SPRED2: variants seen among roughly 807,000 people sequenced by gnomAD.
SPRED2 encodes sprouty-related, EVH1 domain-containing protein 2.
In SPRED2, 47 loss-of-function variants were observed where a neutral mutation model predicts 43.0. The ratio of observed to expected loss-of-function variants is 1.09; its 90% CI spans 0.87 to 1.40. The LOEUF (loss-of-function observed/expected upper bound fraction) is 1.40, where lower values mean the gene tolerates loss of function less well. SPRED2 is among the 40% of genes most tolerant of loss of function. The pLI is 0.00. For synonymous variants in SPRED2, 225 were observed against 225.7 expected, an observed-to-expected ratio of 1.00 and a Z score of 0.03; for missense variants, 561 against 586.4, an observed-to-expected ratio of 0.96 and a Z score of 0.45.
downstream of SPRED2, among the ~76,000 whole-genome samples, chr2:65,309,403 G>C (rs1673011860): frequency 6.6e-6 from 1 of 151,090 alleles, no homozygotes; most frequent in South Asian, 2.1e-4. Context: ...CTACTCGAGG[G>C]GATAAGGTGG....
intron 1 of SPRED2, among the ~76,000 whole-genome samples, chr2:65,347,094 C>T (rs1394132047): frequency 6.6e-6 from 1 of 152,160 alleles, no homozygotes; most frequent in Non-Finnish European, 1.5e-5. Flanking sequence ...TGCTCTCCGA[C>T]CACCTCGTAA....
At chr2:65,314,225 C>CA (rs1244224080) in intron 5 of SPRED2, 56 bp from the exon 6 acceptor site, 18 of 1,485,354 alleles carry the variant, frequency 1.2e-5, no homozygotes, top group Non-Finnish European at 1.4e-5. Flanking sequence ...AACAAACAAA[C>CA]AAAAAAACAC....
chr2:65,388,812 T>G (rs1430822976), intron 1 of SPRED2, among the ~76,000 whole-genome samples: 2 of 152,162 alleles, frequency 1.3e-5, no homozygotes, highest in East Asian at 3.9e-4. Context: ...GCATGTGGTT[T>G]CATATTATAA....
rs149198878 is a variant in SPRED2, at chr2:65,389,616, C to G, written c.26+42346G>C. On this transcript the variant is annotated intron_variant, in intron 1 of 5. Coordinates refer to ENST00000356388, the MANE Select transcript of SPRED2 (RefSeq NM_181784.3). ...AAAAAGAAATGTAGATGTGGTGCTT[C>G]TACCTCATGAGTGAGGAATGCTGGT... Among the ~76,000 whole-genome samples the G allele has an allele frequency of 4.9e-3, 750 of 152,342 alleles. 6 individuals are homozygous for G. The highest frequency in any genetic ancestry group is 0.017 in the African/African-American group (699 of 41,576).
rs72824323 is a variant in SPRED2, at chr2:65,409,330, G to C, written c.26+22632C>G. The stretch of plus-strand genomic sequence containing the variant: ...ATTTTGCAGGTGTAGTACAAAAAAA[G>C]AATGTGAAATACTTCATTAGCAATT... On this transcript the variant is annotated intron_variant, in intron 1 of 5. Coordinates refer to ENST00000356388, the MANE Select transcript of SPRED2 (RefSeq NM_181784.3). 4.2e-3 allele frequency among the ~76,000 whole-genome samples: 638 copies of C among 152,256 alleles called. 4 individuals are homozygous for C. The highest frequency in any genetic ancestry group is 6.8e-3 in the Non-Finnish European group (465 of 68,016).
chr2:65,313,290 A>T lies in SPRED2; in HGVS notation c.*211T>A, dbSNP rs145329977. 9.8e-5 allele frequency: 139 copies of T among 1,417,192 alleles called. No homozygotes were observed. The highest frequency in any genetic ancestry group is 1.1e-4 in the Non-Finnish European group (125 of 1,090,726). 87.8% of individuals were successfully genotyped at this position (1,417,192 alleles called of 1,614,324 possible). A position where few individuals can be genotyped will look rare whatever the true frequency, so the allele number is the denominator to read the frequency against. ...ACACTGTGCGAGCGTGTGTGTATGGATGTGGCTGCTGCAGTGTGGGCGGCA... is the reference window on the plus strand; with the variant it reads ...ACACTGTGCGAGCGTGTGTGTATGGTTGTGGCTGCTGCAGTGTGGGCGGCA... On this transcript the variant is annotated 3_prime_UTR_variant, in exon 6 of 6. Transcript: ENST00000356388.
At chr2:65,391,018 G>A (rs975963771) in intron 1 of SPRED2, among the ~76,000 whole-genome samples, 5 of 150,838 alleles carry the variant, frequency 3.3e-5, no homozygotes, top group Non-Finnish European at 5.9e-5. Context: ...AGCCTGGGAG[G>A]CAGAGGCTGC....
intron 1 of SPRED2, among the ~76,000 whole-genome samples, chr2:65,386,477 T>C (rs929540062): frequency 2.0e-5 from 3 of 152,178 alleles, no homozygotes; most frequent in African/African-American, 7.2e-5. Flanking sequence ...ATGGCATTGG[T>C]ACCATCTGTA....
chr2:65,380,455 C>T (rs538868217), intron 1 of SPRED2, among the ~76,000 whole-genome samples: 2 of 152,196 alleles, frequency 1.3e-5, no homozygotes, highest in South Asian at 4.1e-4. Context: ...TATGGAACTG[C>T]CTTCGAGGCT....
chr2:65,318,679 T>C (rs1236297407), intron 4 of SPRED2, among the ~76,000 whole-genome samples: 1 of 152,150 alleles, frequency 6.6e-6, no homozygotes, highest in African/African-American at 2.4e-5. Flanking sequence ...AATGTATTTA[T>C]TTATGTATTT....
At chr2:65,430,804 A>G (rs1467602348) in intron 1 of SPRED2, among the ~76,000 whole-genome samples, 1 of 151,966 alleles carries the variant, frequency 6.6e-6, no homozygotes, top group Admixed American at 6.5e-5. Context: ...CTCCGGATTT[A>G]TGAATGTGCA....
intron 2 of SPRED2, among the ~76,000 whole-genome samples, chr2:65,340,298 T>C (rs902949880): frequency 5.3e-5 from 8 of 152,212 alleles, no homozygotes; most frequent in African/African-American, 1.7e-4. Flanking sequence ...TCCATAAATC[T>C]CTGTGTGTTT....
intron 5 of SPRED2, among the ~76,000 whole-genome samples, chr2:65,316,274 C>CT (rs1350470633): frequency 1.1e-4 from 16 of 152,240 alleles, no homozygotes; most frequent in East Asian, 3.8e-4. Flanking sequence ...AGGCTGGGGG[C>CT]TCGAGCCAAG....
intron 1 of SPRED2, among the ~76,000 whole-genome samples, chr2:65,356,468 A>C (rs2104300257): frequency 6.7e-6 from 1 of 149,510 alleles, no homozygotes; most frequent in African/African-American, 2.4e-5. Flanking sequence ...CAAGATGCTG[A>C]TAATGGTACT....
At chr2:65,348,651 A>G (rs1429188692) in intron 1 of SPRED2, among the ~76,000 whole-genome samples, 1 of 151,968 alleles carries the variant, frequency 6.6e-6, no homozygotes, top group African/African-American at 2.4e-5. Flanking sequence ...AAAAGTACAA[A>G]AAATTAGCTG....
chr2:65,409,811 G>A (rs927253088), intron 1 of SPRED2, among the ~76,000 whole-genome samples: 4 of 151,844 alleles, frequency 2.6e-5, no homozygotes, highest in African/African-American at 7.3e-5. Context: ...CAAGGCGGGC[G>A]GATCACGAGG....
intron 1 of SPRED2, among the ~76,000 whole-genome samples, chr2:65,410,996 C>G (rs1212977993): frequency 6.6e-6 from 1 of 152,180 alleles, no homozygotes; most frequent in African/African-American, 2.4e-5. Flanking sequence ...GTTCGAGGTG[C>G]CTTCACTGTG....
At chr2:65,372,296 T>C (rs1675142950) in intron 1 of SPRED2, among the ~76,000 whole-genome samples, 1 of 152,156 alleles carries the variant, frequency 6.6e-6, no homozygotes, top group African/African-American at 2.4e-5. Flanking sequence ...GCAGGCTTTG[T>C]CTAGATAGTC....
intron 4 of SPRED2, among the ~76,000 whole-genome samples, chr2:65,327,058 C>T (rs1673644005): frequency 6.6e-6 from 1 of 152,080 alleles, no homozygotes; most frequent in African/African-American, 2.4e-5. Context: ...CTGTATGTTG[C>T]CCAGGCTGGT....
Sources: allele counts gnomAD v4.1 joint callset (sites outside exome capture counted in the v4.1 genomes callset), GRCh38; gene constraint gnomAD v4.1.1; transcripts MANE v1.5; gene names NCBI Gene and HGNC (gene_info 2026-07-23, HGNC 2026-07-21).